Variants in LRRC4C observed in about 807,000 individuals in gnomAD.
The protein encoded by LRRC4C is leucine rich repeat containing 4C.
In LRRC4C, 5 loss-of-function variants were observed where a neutral mutation model predicts 33.6. That is an observed-to-expected ratio of 0.15 (90% CI 0.08 to 0.31). LRRC4C has a LOEUF of 0.31. Ranked by LOEUF, LRRC4C falls within the 10% of genes least tolerant of loss-of-function variation. The pLI is 1.00. For missense variants in LRRC4C, 560 were observed against 796.7 expected (o/e 0.70, Z 3.58); for synonymous variants, 329 against 302.0 (o/e 1.09, Z -0.93).
In LRRC4C at chr11:40,631,689, TA is replaced by T. The variant is rs551739999; in HGVS notation, c.-270+16452del. Among the ~76,000 whole-genome samples, 542 of 151,488 alleles carry T rather than the reference TA, an allele frequency of 3.6e-3. 4 individuals carry two copies. The highest frequency in any genetic ancestry group is 5.7e-3 in the Non-Finnish European group (386 of 67,818). On this transcript the variant is annotated intron_variant, in intron 3 of 6. Transcript: ENST00000528697. Reference sequence around the variant, plus strand: ...TAACATAGCATTGGCAAAGTAGAATTAAAAAAAAATGTTGCTTGGAATAGCG... The same window carrying T: ...TAACATAGCATTGGCAAAGTAGAATTAAAAAAAATGTTGCTTGGAATAGCG...
At chr11:41,040,621 A>G (rs1158376117) in intron 1 of LRRC4C, among the ~76,000 whole-genome samples, 1 of 152,208 alleles carries the variant, frequency 6.6e-6, no homozygotes, top group Non-Finnish European at 1.5e-5. Flanking sequence ...AGCCAAGAAA[A>G]AGGACTTCAA....
intron 4 of LRRC4C, among the ~76,000 whole-genome samples, chr11:40,277,826 T>A (rs982461035): frequency 2.0e-5 from 3 of 152,148 alleles, no homozygotes; most frequent in Admixed American, 6.6e-5. Flanking sequence ...AAACACTCCA[T>A]AAATGTTACC....
chr11:41,071,090 T>G (rs1938641881), intron 1 of LRRC4C, among the ~76,000 whole-genome samples: 1 of 152,164 alleles, frequency 6.6e-6, no homozygotes, highest in African/African-American at 2.4e-5. Flanking sequence ...AATGAGATCA[T>G]GTCCTTTGCA....
chr11:41,035,029 G>T (rs1478500186), intron 1 of LRRC4C, among the ~76,000 whole-genome samples: 1 of 148,792 alleles, frequency 6.7e-6, no homozygotes, highest in Non-Finnish European at 1.5e-5. Context: ...AAGTTCCAGG[G>T]TACATGTGCA....
chr11:40,586,950 T>C (rs1958783771), intron 3 of LRRC4C, among the ~76,000 whole-genome samples: 1 of 152,080 alleles, frequency 6.6e-6, no homozygotes, highest in African/African-American at 2.4e-5. Flanking sequence ...ATTGATTTGG[T>C]GATGCGGGCT....
At chr11:41,126,624 C>G (rs1272764808) in intron 1 of LRRC4C, among the ~76,000 whole-genome samples, 1 of 151,994 alleles carries the variant, frequency 6.6e-6, no homozygotes, top group African/African-American at 2.4e-5. Context: ...GGTAGCCCTT[C>G]CAACACTGAT....
At chr11:41,220,064 A>T (rs1340418375) in intron 1 of LRRC4C, among the ~76,000 whole-genome samples, 1 of 152,212 alleles carries the variant, frequency 6.6e-6, no homozygotes, top group East Asian at 1.9e-4. Flanking sequence ...ATCACTAAAT[A>T]TGAAAGTTAA....
intron 1 of LRRC4C, among the ~76,000 whole-genome samples, chr11:41,131,217 T>C (rs763919423): frequency 6.6e-6 from 1 of 152,016 alleles, no homozygotes; most frequent in Non-Finnish European, 1.5e-5. Context: ...GAAAGCAGGT[T>C]TTTCAGCAAC....
chr11:40,442,443 T>C (rs181105503), intron 3 of LRRC4C, among the ~76,000 whole-genome samples: 22 of 152,202 alleles, frequency 1.4e-4, no homozygotes, highest in South Asian at 8.3e-4. Context: ...CCACTCCAGG[T>C]GCAGCTGGAG....
chr11:40,726,286 C>A (rs1947290374), intron 2 of LRRC4C, among the ~76,000 whole-genome samples: 1 of 152,040 alleles, frequency 6.6e-6, no homozygotes, highest in African/African-American at 2.4e-5. Context: ...GGATGGATGC[C>A]TCTCTAACTT....
At chr11:40,271,044 C>T (rs1223484141) in intron 4 of LRRC4C, among the ~76,000 whole-genome samples, 3 of 152,276 alleles carry the variant, frequency 2.0e-5, no homozygotes, top group African/African-American at 4.8e-5. Flanking sequence ...TCAATTTGAG[C>T]AGCCTTTTAA....
chr11:40,774,916 AATAATT>A (rs1351421717), intron 2 of LRRC4C, among the ~76,000 whole-genome samples: 1 of 152,134 alleles, frequency 6.6e-6, no homozygotes, highest in African/African-American at 2.4e-5. Context: ...CAAGTGCACA[AATAATT>A]ATCTGCTGGC....
At chr11:41,335,917 C>G (rs1369853081) in intron 1 of LRRC4C, among the ~76,000 whole-genome samples, 3 of 152,208 alleles carry the variant, frequency 2.0e-5, no homozygotes. Context: ...TATTCCCACA[C>G]AGTGTCTAGC....
At chr11:41,410,932 C>T (rs896339966) in intron 1 of LRRC4C, among the ~76,000 whole-genome samples, 5 of 151,680 alleles carry the variant, frequency 3.3e-5, no homozygotes, top group Admixed American at 3.3e-4. Flanking sequence ...TGCCTGAGAG[C>T]CATCTAAATC....
intron 1 of LRRC4C, among the ~76,000 whole-genome samples, chr11:41,338,551 T>C (rs1254440255): frequency 6.6e-6 from 1 of 151,410 alleles, no homozygotes; most frequent in Non-Finnish European, 1.5e-5. Flanking sequence ...CGGGAGGTGG[T>C]GAGGAGGGAG....
chr11:41,098,309 A>G (rs1446342908), intron 1 of LRRC4C, among the ~76,000 whole-genome samples: 1 of 152,124 alleles, frequency 6.6e-6, no homozygotes, highest in Non-Finnish European at 1.5e-5. Flanking sequence ...CTGTTTCTCA[A>G]TTCTTTCATT....
intron 2 of LRRC4C, among the ~76,000 whole-genome samples, chr11:40,710,895 C>A (rs1050131560): frequency 2.0e-5 from 3 of 152,212 alleles, no homozygotes; most frequent in African/African-American, 7.2e-5. Flanking sequence ...CCTATTCAAG[C>A]CTCAGCAATT....
At chr11:40,770,898 C>A (rs1949726105) in intron 2 of LRRC4C, among the ~76,000 whole-genome samples, 1 of 152,128 alleles carries the variant, frequency 6.6e-6, no homozygotes, top group African/African-American at 2.4e-5. Flanking sequence ...TTGCAGGTTA[C>A]AACCCCCCCT....
At chr11:40,795,120 C>CAAT (rs1002689279) in intron 2 of LRRC4C, among the ~76,000 whole-genome samples, 61 of 152,076 alleles carry the variant, frequency 4.0e-4, no homozygotes, top group African/African-American at 1.4e-3. Context: ...GCTTACAAAG[C>CAAT]AATAACATAC....
Sources: allele counts gnomAD v4.1 joint callset (sites outside exome capture counted in the v4.1 genomes callset), GRCh38; gene constraint gnomAD v4.1.1; transcripts MANE v1.5; gene names NCBI Gene and HGNC (gene_info 2026-07-23, HGNC 2026-07-21).